VTI1A: variants seen among roughly 807,000 people sequenced by gnomAD.
VTI1A encodes vesicle transport through interaction with t-SNAREs 1A.
In VTI1A, 22 loss-of-function variants were observed where a neutral mutation model predicts 34.9. The observed-to-expected ratio is 0.63, with a 90% CI of 0.45 to 0.90. The LOEUF is 0.90. VTI1A is among the 40% of genes least tolerant of loss of function. The probability of loss-of-function intolerance (pLI) is 0.00; values close to 1 mark genes in which losing one functional copy is unlikely to be tolerated. For synonymous variants in VTI1A, 87 were observed against 97.3 expected, an observed-to-expected ratio of 0.89 and a Z score of 0.62; for missense variants, 268 against 275.6, an observed-to-expected ratio of 0.97 and a Z score of 0.20.
At chr10:112,584,013 G>A (rs1844054592) in intron 5 of VTI1A, among the ~76,000 whole-genome samples, 1 of 152,124 alleles carries the variant, frequency 6.6e-6, no homozygotes, top group African/African-American at 2.4e-5. Flanking sequence ...TCTCCTGTAT[G>A]TAAAACACAT....
At chr10:112,719,717 T>C (rs1323386472) in intron 7 of VTI1A, among the ~76,000 whole-genome samples, 1 of 152,220 alleles carries the variant, frequency 6.6e-6, no homozygotes, top group Non-Finnish European at 1.5e-5. Flanking sequence ...CTGCTAGTTT[T>C]GTATTTTTAG....
chr10:112,762,207 T>G (rs1011398928), intron 7 of VTI1A, among the ~76,000 whole-genome samples: 6 of 152,216 alleles, frequency 3.9e-5, no homozygotes, highest in African/African-American at 1.4e-4. Flanking sequence ...TACAGCCCCC[T>G]TCTCTGCAGT....
chr10:112,852,896 A>G, the VTI1A span, among the ~76,000 whole-genome samples: 2 of 152,116 alleles, frequency 1.3e-5, no homozygotes, highest in African/African-American at 4.8e-5. Flanking sequence ...CCTCTGCCTC[A>G]GCCTCCCGAG....
intron 5 of VTI1A, among the ~76,000 whole-genome samples, chr10:112,577,990 A>G (rs1397787436): frequency 2.6e-5 from 4 of 152,206 alleles, no homozygotes; most frequent in Non-Finnish European, 5.9e-5. Context: ...AGACTTGCTG[A>G]GAAAATCAAA....
In VTI1A at chr10:112,767,867, A is replaced by C. The variant is rs1407392926; in HGVS notation, c.561-47423A>C. On this transcript the variant is annotated intron_variant, in intron 7 of 7. Coordinates refer to ENST00000393077, the MANE Select transcript of VTI1A (RefSeq NM_145206.4). This position sits in a 1 kb window ranked among gnomAD's most constrained non-coding sequence, Gnocchi z 4.0. ...TGTTCTGGGCCCTTCACCTCTTCCT[A>C]GGACCAGTCTTGTCATCAGGCATCT... Among the ~76,000 whole-genome samples the C allele has an allele frequency of 6.6e-6, 1 of 152,184 alleles. No homozygotes were observed. The highest frequency in any genetic ancestry group is 1.5e-5 in the Non-Finnish European group (1 of 68,034).
chr10:112,785,977 T>G (rs548455600), intron 7 of VTI1A, among the ~76,000 whole-genome samples: 1 of 152,276 alleles, frequency 6.6e-6, no homozygotes, highest in Admixed American at 6.5e-5. Context: ...ACATATACAT[T>G]TAAGAATTCC....
chr10:112,818,288 AG>A lies in VTI1A; in HGVS notation c.*2910del, dbSNP rs1462312888. 7 of 232,814 alleles carry A rather than the reference AG, an allele frequency of 3.0e-5. No individual in the cohort carries two copies. The highest frequency in any genetic ancestry group is 1.3e-4 in the African/African-American group (6 of 45,296). 14.4% of individuals were successfully genotyped at this position (232,814 alleles called of 1,614,324 possible). ...GTTATCATTAAGTAAAGAAATAAAGAGGGGGAAAAAAGCCTGCCTGTTCCAA... is the reference window on the plus strand; with the variant it reads ...GTTATCATTAAGTAAAGAAATAAAGAGGGGAAAAAAGCCTGCCTGTTCCAA... On this transcript the variant is annotated 3_prime_UTR_variant, in exon 8 of 8. Coordinates refer to ENST00000393077, the MANE Select transcript of VTI1A (RefSeq NM_145206.4).
the VTI1A span, among the ~76,000 whole-genome samples, chr10:112,842,052 T>TTTTTTTTTTTTC: frequency 2.4e-5 from 1 of 40,996 alleles, no homozygotes; most frequent in African/African-American, 1.4e-4. Context: ...TTTTTTTTCC[T>TTTTTTTTTTTTC]TTTTTTTTTT....
intron 3 of VTI1A, among the ~76,000 whole-genome samples, chr10:112,506,600 T>G (rs1017193547): frequency 2.6e-4 from 39 of 152,356 alleles, no homozygotes; most frequent in Admixed American, 7.8e-4. Context: ...CATTTTGCTC[T>G]TGTTGTCTTC....
At chr10:112,764,333 G>C (rs1851578950) in intron 7 of VTI1A, among the ~76,000 whole-genome samples, 1 of 152,206 alleles carries the variant, frequency 6.6e-6, no homozygotes, top group Admixed American at 6.5e-5. Flanking sequence ...GGAAATGGAG[G>C]AGACTTGCGG....
In VTI1A at chr10:112,447,449, G is replaced by A. The variant is rs780736147; in HGVS notation, c.76G>A (p.Val26Ile). Residue 26 changes from valine to isoleucine, a missense_variant, in exon 1 of 8, where the codon GTC (valine) becomes ATC (isoleucine). By Grantham distance (29) the Val-to-Ile change is conservative. Coordinates refer to ENST00000393077, the MANE Select transcript of VTI1A (RefSeq NM_145206.4). ...TAEITSKIAR[V>I]PRLPPDEKKQ... ...AGAGATCACCAGCAAGATTGCGAGG[G>A]TCCCACGACTCCCGCCTGGTGAGAG... The A allele has an allele frequency of 7.4e-6, 12 of 1,613,542 alleles. No homozygotes were observed. Among genetic ancestry groups the A allele is most frequent in the Non-Finnish European group, 1.0e-5 (12 of 1,179,966 alleles).
chr10:112,713,220 G>A (rs1849491012), intron 7 of VTI1A, among the ~76,000 whole-genome samples: 1 of 152,120 alleles, frequency 6.6e-6, no homozygotes, highest in South Asian at 2.1e-4. Context: ...GCCCAATGGA[G>A]CACTAGTATT....
intron 5 of VTI1A, among the ~76,000 whole-genome samples, chr10:112,622,501 C>T (rs1436322701): frequency 6.7e-6 from 1 of 148,738 alleles, no homozygotes; most frequent in Admixed American, 6.7e-5. Flanking sequence ...GGTAGAAGAG[C>T]CAGGACTAGA....
At chr10:112,627,308 C>G (rs2134600040) in intron 5 of VTI1A, among the ~76,000 whole-genome samples, 1 of 152,270 alleles carries the variant, frequency 6.6e-6, no homozygotes, top group South Asian at 2.1e-4. Flanking sequence ...TTCCATTGAT[C>G]AGTCCAGTTG....
chr10:112,640,117 G>A (rs1217844090), intron 5 of VTI1A, among the ~76,000 whole-genome samples: 1 of 152,066 alleles, frequency 6.6e-6, no homozygotes, highest in Non-Finnish European at 1.5e-5. Flanking sequence ...TGGAATATGA[G>A]AATATCTCTT....
At chr10:112,479,536 G>C (rs1848395669) in intron 3 of VTI1A, among the ~76,000 whole-genome samples, 1 of 152,120 alleles carries the variant, frequency 6.6e-6, no homozygotes, top group South Asian at 2.1e-4. Flanking sequence ...CTTGAGAAGA[G>C]ACTCAAAGTC....
chr10:112,805,424 C>T (rs1853040163), intron 7 of VTI1A, among the ~76,000 whole-genome samples: 1 of 152,232 alleles, frequency 6.6e-6, no homozygotes, highest in Non-Finnish European at 1.5e-5. Flanking sequence ...GGCTGCTTTA[C>T]ACTACGAGAA....
At chr10:112,638,218 G>C (rs1846434187) in intron 5 of VTI1A, among the ~76,000 whole-genome samples, 1 of 152,172 alleles carries the variant, frequency 6.6e-6, no homozygotes, top group South Asian at 2.1e-4. Flanking sequence ...TATTGAAAAT[G>C]CCTCATAGTA....
intron 7 of VTI1A, chr10:112,752,552 G>A (rs1851139293): frequency 2.0e-6 from 2 of 985,236 alleles, no homozygotes; most frequent in Non-Finnish European, 1.2e-6. Context: ...TCTCCTTCAG[G>A]GGGAACATGC....
Sources: allele counts gnomAD v4.1 joint callset (sites outside exome capture counted in the v4.1 genomes callset), GRCh38; gene constraint gnomAD v4.1.1; non-coding constraint Gnocchi (gnomAD v3.1); transcripts MANE v1.5; gene names NCBI Gene and HGNC (gene_info 2026-07-23, HGNC 2026-07-21).